Variants in PTPRC observed in about 807,000 individuals in gnomAD.
PTPRC encodes the protein receptor-type tyrosine-protein phosphatase C.
Under a neutral mutation model 155.9 loss-of-function variants are expected in PTPRC, and 44 were observed. The ratio of observed to expected loss-of-function variants is 0.28; its 90% CI spans 0.22 to 0.36. The LOEUF is 0.36. PTPRC is among the 10% of genes least tolerant of loss of function. The pLI, the probability that PTPRC is intolerant of heterozygous loss-of-function variation, is 1.00. For missense variants in PTPRC, 1,401 were observed against 1,564.6 expected, an observed-to-expected ratio of 0.90 and a Z score of 1.76; for synonymous variants, 525 against 533.1, an observed-to-expected ratio of 0.98 and a Z score of 0.21.
intron 2 of PTPRC, among the ~76,000 whole-genome samples, chr1:198,642,370 G>GTCTATCTGTCTATCTA: frequency 6.6e-6 from 1 of 150,558 alleles, no homozygotes; most frequent in Non-Finnish European, 1.5e-5. Context: ...CTATCTATCT[G>GTCTATCTGTCTATCTA]TCTATCTATC....
At chr1:198,699,533 C>G in intron 4 of PTPRC, 31 bp from the exon 5 acceptor site, 1 of 1,613,860 alleles carries the variant, frequency 6.2e-7, no homozygotes, top group Non-Finnish European at 8.5e-7. Context: ...TGGGGGAAGA[C>G]TGATGTAATG....
Position 198,749,482 on chromosome 1 carries a change from A to G in PTPRC, c.3005A>G (p.Asp1002Gly). The G allele has an allele frequency of 6.2e-7, 1 of 1,609,952 alleles. No homozygotes were observed. The highest frequency in any genetic ancestry group is 8.5e-7 in the Non-Finnish European group (1 of 1,177,192). ...EMSKESEHDS[D>G]ESSDDDSDSE... ...AGTAAAGAGAGTGAGCATGATTCAGATGAATCCTCTGATGATGACAGTGAT... is the reference window on the plus strand; with the variant it reads ...AGTAAAGAGAGTGAGCATGATTCAGGTGAATCCTCTGATGATGACAGTGAT... Residue 1002 changes from aspartate to glycine, a missense_variant, in exon 28 of 33, where the codon GAT becomes GGT. Transcript: ENST00000442510.
intron 11 of PTPRC, among the ~76,000 whole-genome samples, chr1:198,711,607 C>CT (rs572145804): frequency 6.6e-6 from 1 of 152,142 alleles, no homozygotes; most frequent in Non-Finnish European, 1.5e-5. Context: ...AAACATAAAA[C>CT]TTTTTTGATG....
At chr1:198,694,925 C>T in intron 3 of PTPRC, 2 of 979,788 alleles carry the variant, frequency 2.0e-6, no homozygotes, top group Non-Finnish European at 2.4e-6. Context: ...GCTGGCATGT[C>T]ATTATGGGTA....
rs1297770118 is a variant in PTPRC at position 198,734,408 on chromosome 1, T to C, written c.2260T>C (p.Cys754Arg). Residue 754 changes from cysteine to arginine, a missense_variant, in exon 22 of 33, where the codon TGT becomes CGT. Physicochemically the swap from Cys to Arg is radical, Grantham distance 180. Coordinates refer to ENST00000442510, the MANE Select transcript of PTPRC (RefSeq NM_002838.5). ...CACAGTTATTGTCATGGTCACTCGATGTGAAGAAGGAAACAGGGTAAGAAC... is the reference window on the plus strand; with the variant it reads ...CACAGTTATTGTCATGGTCACTCGACGTGAAGAAGGAAACAGGGTAAGAAC... ...KATVIVMVTR[C>R]EEGNRNKCAE... 2 of 1,610,948 alleles carry C rather than the reference T, an allele frequency of 1.2e-6. No individual in the cohort carries two copies. Among genetic ancestry groups the C allele is most frequent in the Admixed American group, 1.7e-5 (1 of 59,840 alleles).
intron 2 of PTPRC, among the ~76,000 whole-genome samples, chr1:198,683,034 G>C (rs1665427739): frequency 6.6e-6 from 1 of 152,120 alleles, no homozygotes; most frequent in Non-Finnish European, 1.5e-5. Context: ...GAACAAGCAT[G>C]GGGGTTTTTA....
At chr1:198,691,874 G>A (rs904404709) in intron 2 of PTPRC, among the ~76,000 whole-genome samples, 3 of 152,024 alleles carry the variant, frequency 2.0e-5, no homozygotes, top group African/African-American at 7.2e-5. Context: ...TGTATTGATT[G>A]ATTGTTTTTG....
At chr1:198,703,437 G>A (rs776777136) in intron 7 of PTPRC, 65 bp downstream of exon 7, 1 of 1,605,526 alleles carries the variant, frequency 6.2e-7, no homozygotes, top group Non-Finnish European at 8.5e-7. Context: ...CTCTCACAAG[G>A]GCCTTCCACC....
At chr1:198,681,872 C>T (rs983967257) in intron 2 of PTPRC, among the ~76,000 whole-genome samples, 10 of 152,084 alleles carry the variant, frequency 6.6e-5, no homozygotes, top group African/African-American at 2.4e-4. Context: ...CATTTTGTAG[C>T]AGTTAAATGT....
chr1:198,741,039 T>C (rs571576073), intron 23 of PTPRC, among the ~76,000 whole-genome samples: 3 of 151,990 alleles, frequency 2.0e-5, no homozygotes, highest in South Asian at 2.1e-4. Context: ...ATCCTATCAA[T>C]AGTTTCTGGC....
intron 11 of PTPRC, among the ~76,000 whole-genome samples, chr1:198,711,644 T>G (rs762340023): frequency 6.6e-6 from 1 of 152,178 alleles, no homozygotes; most frequent in East Asian, 1.9e-4. Context: ...AATTGAATAT[T>G]CCTGCTCTTT....
chr1:198,646,342 G>A (rs950844925), intron 2 of PTPRC, among the ~76,000 whole-genome samples: 7 of 151,630 alleles, frequency 4.6e-5, no homozygotes, highest in African/African-American at 1.7e-4. Context: ...ATTTTCCTTT[G>A]TGATTATTAC....
intron 11 of PTPRC, among the ~76,000 whole-genome samples, chr1:198,710,446 T>C (rs558489621): frequency 3.0e-4 from 46 of 152,348 alleles, no homozygotes; most frequent in African/African-American, 1.1e-3. Context: ...AATTTTAGGA[T>C]CAACTTTTCA....
intron 2 of PTPRC, among the ~76,000 whole-genome samples, chr1:198,661,294 G>T (rs1663947059): frequency 6.7e-6 from 1 of 149,862 alleles, no homozygotes; most frequent in African/African-American, 2.4e-5. Flanking sequence ...AAACTAGATA[G>T]AATTTTAAAA....
Position 198,661,558 on chromosome 1 carries a change from G to C in PTPRC, c.73+22217G>C, listed in dbSNP as rs143236848. The stretch of plus-strand genomic sequence containing the variant: ...AAACATTAATTTTCTACTAATGAGA[G>C]AATGAGAGAGAAGAAGAAAAATAAC... On this transcript the variant is annotated intron_variant, in intron 2 of 32. Coordinates refer to ENST00000442510, the MANE Select transcript of PTPRC (RefSeq NM_002838.5). 4.1e-4 allele frequency among the ~76,000 whole-genome samples: 62 copies of C among 151,870 alleles called. 1 individual carries two copies. The highest frequency in any genetic ancestry group is 3.9e-3 in the East Asian group (20 of 5,186).
chr1:198,729,037 T>C, intron 16 of PTPRC, 100 bp from the exon 17 acceptor site: 1 of 1,374,050 alleles, frequency 7.3e-7, no homozygotes, highest in Non-Finnish European at 1.0e-6. Flanking sequence ...CCTGACTTCC[T>C]TCCTTTGTTC....
At chr1:198,734,486 G>A (rs1654536294) in intron 22 of PTPRC, 61 bp downstream of exon 22, 1 of 1,471,502 alleles carries the variant, frequency 6.8e-7, no homozygotes, top group South Asian at 1.1e-5. Flanking sequence ...GTGTTGAATG[G>A]CATTTTGAAA....
intron 12 of PTPRC, among the ~76,000 whole-genome samples, chr1:198,713,905 T>A (rs1653436441): frequency 6.6e-6 from 1 of 152,236 alleles, no homozygotes; most frequent in Non-Finnish European, 1.5e-5. Flanking sequence ...TTTTCTTCAT[T>A]ATGTTATTTT....
At chr1:198,724,298 G>A (rs1486729154) in intron 15 of PTPRC, among the ~76,000 whole-genome samples, 1 of 152,186 alleles carries the variant, frequency 6.6e-6, no homozygotes, top group Non-Finnish European at 1.5e-5. Flanking sequence ...CTAGGGATGT[G>A]TTGTTGGGTT....
Sources: allele counts gnomAD v4.1 joint callset (sites outside exome capture counted in the v4.1 genomes callset), GRCh38; gene constraint gnomAD v4.1.1; transcripts MANE v1.5; gene names NCBI Gene and HGNC (gene_info 2026-07-23, HGNC 2026-07-21).